GMDS: variants seen among roughly 807,000 people sequenced by gnomAD.
GMDS encodes GDP-mannose 4,6-dehydratase.
A neutral mutation model predicts 49.9 loss-of-function variants in GMDS; 20 were observed. The observed-to-expected ratio is 0.40, with a 90% CI of 0.28 to 0.58. The LOEUF (loss-of-function observed/expected upper bound fraction) is 0.58, where lower values mean the gene tolerates loss of function less well. Among genes scored for constraint, GMDS ranks in the 20% least tolerant of loss-of-function variants. GMDS has a pLI of 0.42. For synonymous variants in GMDS, 177 were observed against 178.6 expected (o/e 0.99, Z 0.07); for missense variants, 362 against 481.4 (o/e 0.75, Z 2.32).
chr6:1,913,200 T>G (rs1452719166), intron 7 of GMDS, among the ~76,000 whole-genome samples: 1 of 150,968 alleles, frequency 6.6e-6, no homozygotes, highest in Non-Finnish European at 1.5e-5. Flanking sequence ...GCTAAAACGG[T>G]GAAACCCCGT....
chr6:1,924,615 C>A (rs1388538782), intron 7 of GMDS, among the ~76,000 whole-genome samples: 1 of 152,152 alleles, frequency 6.6e-6, no homozygotes, highest in African/African-American at 2.4e-5. Context: ...CTCATTGGGA[C>A]CATATACTGC....
chr6:2,105,946 G>A (rs1013114685), intron 4 of GMDS, among the ~76,000 whole-genome samples: 1 of 152,106 alleles, frequency 6.6e-6, no homozygotes, highest in Non-Finnish European at 1.5e-5. Context: ...ACCTTTCAGG[G>A]TGCAACATTT....
At chr6:1,900,084 A>G (rs1760422587) in intron 7 of GMDS, among the ~76,000 whole-genome samples, 1 of 152,166 alleles carries the variant, frequency 6.6e-6, no homozygotes, top group African/African-American at 2.4e-5. Flanking sequence ...AAGTCACTCT[A>G]TTTTCTACAT....
chr6:2,114,142 G>T (rs1420059353), intron 4 of GMDS, among the ~76,000 whole-genome samples: 1 of 152,090 alleles, frequency 6.6e-6, no homozygotes, highest in African/African-American at 2.4e-5. Context: ...ACAAGGGGAA[G>T]GTCTTCTATA....
At chr6:2,117,646 T>C (rs1774919124) in intron 2 of GMDS, 90 bp from the exon 3 acceptor site, 2 of 756,094 alleles carry the variant, frequency 2.6e-6, no homozygotes. Context: ...AAAAAAATGA[T>C]TTGTAAGCAT....
intron 7 of GMDS, among the ~76,000 whole-genome samples, chr6:1,850,184 C>T (rs1310086357): frequency 1.3e-5 from 2 of 152,192 alleles, no homozygotes; most frequent in Non-Finnish European, 2.9e-5. Flanking sequence ...CTCCTGAACA[C>T]TTTCTTCCTT....
At chr6:1,651,948 TG>T (rs58142347) in intron 9 of GMDS, among the ~76,000 whole-genome samples, 74,158 of 151,838 alleles carry the variant, frequency 0.49, 18,215 homozygotes, top group Middle Eastern at 0.53. Context: ...TCTCCTGCAC[TG>T]GCACGTGCTG....
At chr6:2,184,761 T>C (rs901163864) in intron 1 of GMDS, among the ~76,000 whole-genome samples, 7 of 152,236 alleles carry the variant, frequency 4.6e-5, no homozygotes, top group Non-Finnish European at 1.0e-4. Context: ...ATTCTCATTA[T>C]CAGCATTAAC....
intron 9 of GMDS, among the ~76,000 whole-genome samples, chr6:1,694,401 T>C (rs1446226507): frequency 6.6e-6 from 1 of 152,198 alleles, no homozygotes; most frequent in Non-Finnish European, 1.5e-5. Context: ...TCAACAACCC[T>C]AAAAGGTAGT....
intron 7 of GMDS, among the ~76,000 whole-genome samples, chr6:1,808,067 T>C (rs571946209): frequency 6.6e-6 from 1 of 152,312 alleles, no homozygotes; most frequent in South Asian, 2.1e-4. Flanking sequence ...CTGTATTATG[T>C]AATTTGCAGT....
intron 6 of GMDS, among the ~76,000 whole-genome samples, chr6:1,950,570 T>G (rs1049254142): frequency 1.3e-5 from 2 of 152,218 alleles, no homozygotes; most frequent in African/African-American, 4.8e-5. Flanking sequence ...CTGGAGCTAT[T>G]TGAATCCGAA....
chr6:1,856,981 C>T (rs1375706203), intron 7 of GMDS, among the ~76,000 whole-genome samples: 2 of 152,178 alleles, frequency 1.3e-5, no homozygotes, highest in African/African-American at 4.8e-5. Flanking sequence ...AGAAACTAAA[C>T]TAATGAACTC....
intron 7 of GMDS, among the ~76,000 whole-genome samples, chr6:1,812,549 A>G (rs1185417171): frequency 6.6e-6 from 1 of 151,462 alleles, no homozygotes; most frequent in Non-Finnish European, 1.5e-5. Flanking sequence ...GAGGAAGAGG[A>G]AGAGAAGGGG....
rs1427989263 is a variant in GMDS at position 1,652,470 on chromosome 6, T to A, written c.988-27930A>T. ...TATATATTATTTATATATAATATAT[T>A]ATATATATTATATATAATATATATT... On this transcript the variant is annotated intron_variant, in intron 9 of 10. Transcript: ENST00000380815. Among the ~76,000 whole-genome samples, 2 of 9,698 alleles carry A rather than the reference T, an allele frequency of 2.1e-4. 1 individual carries two copies. The highest frequency in any genetic ancestry group is 8.2e-4 in the African/African-American group (2 of 2,438). 6.4% of individuals were successfully genotyped at this position (9,698 alleles called of 152,430 possible).
intron 7 of GMDS, among the ~76,000 whole-genome samples, chr6:1,849,487 A>G (rs1430999927): frequency 6.6e-6 from 1 of 152,182 alleles, no homozygotes; most frequent in East Asian, 1.9e-4. Context: ...AAAAGCAAAC[A>G]GCACTGTTAT....
intron 9 of GMDS, among the ~76,000 whole-genome samples, chr6:1,678,710 A>G (rs994932433): frequency 6.6e-6 from 1 of 152,254 alleles, no homozygotes; most frequent in Non-Finnish European, 1.5e-5. Flanking sequence ...GTCAGAGATA[A>G]AAGATTAAAA....
chr6:2,187,349 T>C (rs928834957), intron 1 of GMDS, among the ~76,000 whole-genome samples: 1 of 152,204 alleles, frequency 6.6e-6, no homozygotes, highest in Non-Finnish European at 1.5e-5. Flanking sequence ...CAAATGTTCA[T>C]ATTTCTCTCA....
At chr6:1,848,938 G>A (rs1454043187) in intron 7 of GMDS, among the ~76,000 whole-genome samples, 1 of 152,128 alleles carries the variant, frequency 6.6e-6, no homozygotes, top group Non-Finnish European at 1.5e-5. Flanking sequence ...TGTTGTGGGG[G>A]CTTTCCTGTG....
intron 1 of GMDS, among the ~76,000 whole-genome samples, chr6:2,194,026 T>C (rs989458378): frequency 3.0e-5 from 4 of 134,394 alleles, no homozygotes; most frequent in African/African-American, 1.4e-4. Context: ...CAGCCAAAAA[T>C]GCTATTTTTT....
Sources: allele counts gnomAD v4.1 joint callset (sites outside exome capture counted in the v4.1 genomes callset), GRCh38; gene constraint gnomAD v4.1.1; transcripts MANE v1.5; gene names NCBI Gene and HGNC (gene_info 2026-07-23, HGNC 2026-07-21).